DENND1A: variants seen among roughly 807,000 people sequenced by gnomAD.
DENND1A encodes the protein DENN domain-containing protein 1A.
A neutral mutation model predicts 113.7 loss-of-function variants in DENND1A; 51 were observed. The observed-to-expected ratio is 0.45, with a 90% CI of 0.36 to 0.57. The LOEUF is 0.57. Among genes scored for constraint, DENND1A ranks in the 20% least tolerant of loss-of-function variants. The pLI is 0.00. For missense variants in DENND1A, 1,258 were observed against 1,395.9 expected (o/e 0.90, Z 1.57); for synonymous variants, 565 against 570.8 (o/e 0.99, Z 0.14).
intron 10 of DENND1A, among the ~76,000 whole-genome samples, chr9:123,611,631 C>G (rs891770837): frequency 4.6e-5 from 7 of 152,168 alleles, no homozygotes; most frequent in Non-Finnish European, 1.0e-4. Context: ...ATCACCCTTC[C>G]CATCTCCTAC....
chr9:123,727,127 T>C (rs2067766654), intron 5 of DENND1A, among the ~76,000 whole-genome samples: 1 of 152,174 alleles, frequency 6.6e-6, no homozygotes, highest in African/African-American at 2.4e-5. Context: ...GTGTGTAAGG[T>C]ATACAACAAT....
intron 5 of DENND1A, among the ~76,000 whole-genome samples, chr9:123,712,849 A>G (rs2066721877): frequency 6.6e-6 from 1 of 152,264 alleles, no homozygotes; most frequent in Non-Finnish European, 1.5e-5. Flanking sequence ...TCTGCCTTCG[A>G]TATTTCCAAC....
chr9:123,818,618 C>T (rs1485206339), intron 2 of DENND1A, among the ~76,000 whole-genome samples: 1 of 150,518 alleles, frequency 6.6e-6, no homozygotes, highest in Non-Finnish European at 1.5e-5. Flanking sequence ...CAAGTCTAAA[C>T]ACAAAATTCA....
chr9:123,579,622 G>A (rs944499781), intron 12 of DENND1A, among the ~76,000 whole-genome samples: 4 of 152,126 alleles, frequency 2.6e-5, no homozygotes, highest in Non-Finnish European at 4.4e-5. Flanking sequence ...GGAAGAGGAT[G>A]TGGATTTACC....
chr9:123,496,706 T>C (rs1041827658), intron 13 of DENND1A, among the ~76,000 whole-genome samples: 1 of 152,198 alleles, frequency 6.6e-6, no homozygotes, highest in Non-Finnish European at 1.5e-5. Flanking sequence ...TGGAAGAGTG[T>C]GTGGGTCAGC....
At chr9:123,492,934 GAAGA>G (rs759040962) in intron 13 of DENND1A, 6 of 152,234 alleles carry the variant, frequency 3.9e-5, no homozygotes, top group Non-Finnish European at 8.8e-5. Flanking sequence ...AACATTCAGG[GAAGA>G]AAGCAGGGGC....
At chr9:123,903,777 C>A (rs625695) in intron 1 of DENND1A, among the ~76,000 whole-genome samples, 1 of 152,088 alleles carries the variant, frequency 6.6e-6, no homozygotes, top group South Asian at 2.1e-4. Flanking sequence ...AACAGCAAGG[C>A]GGCAGCGAGG....
chr9:123,625,265 A>G (rs1302666595), intron 10 of DENND1A, among the ~76,000 whole-genome samples: 3 of 152,242 alleles, frequency 2.0e-5, no homozygotes, highest in Non-Finnish European at 4.4e-5. Flanking sequence ...TCTGCCTTGC[A>G]GGGTTGTTGG....
At chr9:123,444,900 C>T (rs2047186605) in intron 18 of DENND1A, among the ~76,000 whole-genome samples, 1 of 152,190 alleles carries the variant, frequency 6.6e-6, no homozygotes, top group African/African-American at 2.4e-5. Flanking sequence ...AAGGGTCACA[C>T]AGGAGGAAGA....
At chr9:123,569,124 T>G (rs1388451105) in intron 12 of DENND1A, among the ~76,000 whole-genome samples, 1 of 152,204 alleles carries the variant, frequency 6.6e-6, no homozygotes, top group Non-Finnish European at 1.5e-5. Context: ...GTAAAATGAT[T>G]CAAGTTAAAT....
intron 13 of DENND1A, among the ~76,000 whole-genome samples, chr9:123,493,847 C>A (rs942653406): frequency 1.3e-4 from 20 of 151,998 alleles, no homozygotes; most frequent in African/African-American, 4.8e-4. Flanking sequence ...TGGACCGCCC[C>A]CTCCATTGCT....
intron 5 of DENND1A, among the ~76,000 whole-genome samples, chr9:123,705,056 G>T (rs975291710): frequency 3.7e-5 from 5 of 136,804 alleles, no homozygotes; most frequent in Admixed American, 1.4e-4. Flanking sequence ...GAAATCCCAC[G>T]CAAGATGAAT....
At chr9:123,671,843 A>G (rs1054934728) in intron 6 of DENND1A, among the ~76,000 whole-genome samples, 1 of 152,248 alleles carries the variant, frequency 6.6e-6, no homozygotes, top group African/African-American at 2.4e-5. Flanking sequence ...GAAATGAACT[A>G]AGTACAACAG....
Position 123,382,232 on chromosome 9 carries a change from T to G in DENND1A, c.2413A>C (p.Arg805=). Residue 805 remains arginine, a synonymous_variant, in exon 24 of 24, where the codon AGG becomes CGG. Transcript: ENST00000394215. ...AGCCCTGGACTCAGGGCAGCTCGCC[T>G]GTCCCGATCCGTCTGCAGCCGCTCT... ...VSERLQTDRD[R]RAALSPGLLP... is the part of the protein sequence containing the mutation. 1 of 1,609,564 alleles carries G rather than the reference T, an allele frequency of 6.2e-7. No homozygotes were observed. Among genetic ancestry groups the G allele is most frequent in the South Asian group, 1.1e-5 (1 of 90,886 alleles).
At chr9:123,800,438 TAAG>T (rs1289341020) in intron 2 of DENND1A, among the ~76,000 whole-genome samples, 2 of 152,208 alleles carry the variant, frequency 1.3e-5, no homozygotes, top group African/African-American at 4.8e-5. Context: ...ATTTAATAAA[TAAG>T]AAGAGTGAGG....
chr9:123,622,435 T>A (rs923492603), intron 10 of DENND1A, among the ~76,000 whole-genome samples: 2 of 152,250 alleles, frequency 1.3e-5, no homozygotes, highest in African/African-American at 4.8e-5. Context: ...TTAATTAGCA[T>A]AGTGCCTGGT....
chr9:123,805,337 A>G (rs539843616), intron 2 of DENND1A, among the ~76,000 whole-genome samples: 1 of 152,276 alleles, frequency 6.6e-6, no homozygotes, highest in South Asian at 2.1e-4. Context: ...GTAATATTTC[A>G]TATACATAAT....
At chr9:123,534,043 C>T (rs961866645) in intron 13 of DENND1A, among the ~76,000 whole-genome samples, 8 of 152,130 alleles carry the variant, frequency 5.3e-5, no homozygotes, top group Non-Finnish European at 1.2e-4. Flanking sequence ...TTTGTAATTC[C>T]ATTGAATGTC....
chr9:123,551,455 A>G (rs2057038953), intron 13 of DENND1A, among the ~76,000 whole-genome samples: 1 of 152,234 alleles, frequency 6.6e-6, no homozygotes, highest in Admixed American at 6.5e-5. Flanking sequence ...ACATGTGGAA[A>G]CTAGAACAAA....
Sources: allele counts gnomAD v4.1 joint callset (sites outside exome capture counted in the v4.1 genomes callset), GRCh38; gene constraint gnomAD v4.1.1; transcripts MANE v1.5; gene names NCBI Gene and HGNC (gene_info 2026-07-23, HGNC 2026-07-21).